FILIP1L: variants seen among roughly 807,000 people sequenced by gnomAD.
The protein encoded by FILIP1L is filamin A interacting protein 1 like.
FILIP1L carries 55 observed loss-of-function variants against 96.6 expected under a neutral mutation model. The observed-to-expected ratio is 0.57, with a 90% CI of 0.46 to 0.71. The LOEUF is 0.71. FILIP1L is among the 30% of genes least tolerant of loss of function. The pLI is 0.00. For synonymous variants in FILIP1L, 467 were observed against 473.9 expected, an observed-to-expected ratio of 0.99 and a Z score of 0.19; for missense variants, 1,304 against 1,321.2, an observed-to-expected ratio of 0.99 and a Z score of 0.20.
intron 4 of FILIP1L, among the ~76,000 whole-genome samples, chr3:99,856,058 T>C (rs531915869): frequency 6.6e-6 from 1 of 152,316 alleles, no homozygotes; most frequent in Non-Finnish European, 1.5e-5. Flanking sequence ...CACTGCTCCA[T>C]CCATTGTTTG....
At chr3:99,994,354 T>C (rs151111951) in intron 1 of FILIP1L, among the ~76,000 whole-genome samples, 1 of 152,298 alleles carries the variant, frequency 6.6e-6, no homozygotes, top group East Asian at 1.9e-4. Flanking sequence ...CAAAGAAATA[T>C]TGGACTTAAA....
At chr3:100,043,680 A>G (rs2065239971) in intron 1 of FILIP1L, among the ~76,000 whole-genome samples, 1 of 152,220 alleles carries the variant, frequency 6.6e-6, no homozygotes, top group South Asian at 2.1e-4. Flanking sequence ...AACTTTTTTT[A>G]CAAAATGACA....
rs1442427209 is a variant in FILIP1L at position 99,983,446 on chromosome 3, GTATATATATA to G, written c.-10-52426_-10-52417del. On this transcript the variant is annotated intron_variant, in intron 1 of 5. Transcript: ENST00000477258. ...TATGTATGTATGTATATATATGTAT[GTATATATATA>G]TATGTGTGTATATATATATATATAT... is the stretch of plus-strand genomic sequence containing the variant. Among the ~76,000 whole-genome samples the G allele has an allele frequency of 3.7e-3, 326 of 87,632 alleles. 15 individuals carry two copies. Among genetic ancestry groups the G allele is most frequent in the African/African-American group, 0.017 (306 of 18,090 alleles). 57.5% of individuals were successfully genotyped at this position (87,632 alleles called of 152,430 possible).
intron 4 of FILIP1L, among the ~76,000 whole-genome samples, chr3:99,870,848 C>T (rs1465119957): frequency 6.6e-6 from 1 of 152,094 alleles, no homozygotes; most frequent in Admixed American, 6.5e-5. Flanking sequence ...CATTTGTGCC[C>T]CGTAAGTGCA....
intron 1 of FILIP1L, among the ~76,000 whole-genome samples, chr3:100,046,336 A>G (rs1473982208): frequency 4.6e-5 from 7 of 152,128 alleles, no homozygotes; most frequent in Admixed American, 2.0e-4. Flanking sequence ...GAAATTCAGA[A>G]TTTGCAGAAT....
chr3:100,043,885 C>T (rs2065242483), intron 1 of FILIP1L, among the ~76,000 whole-genome samples: 1 of 152,128 alleles, frequency 6.6e-6, no homozygotes, highest in Non-Finnish European at 1.5e-5. Context: ...AGTCATTATG[C>T]AGTGCAATAG....
At chr3:99,887,672 A>G (rs780995359) in intron 4 of FILIP1L, among the ~76,000 whole-genome samples, 20 of 152,194 alleles carry the variant, frequency 1.3e-4, no homozygotes, top group Non-Finnish European at 2.2e-4. Flanking sequence ...TTTCTTATAT[A>G]AGTACAATAT....
intron 1 of FILIP1L, among the ~76,000 whole-genome samples, chr3:99,971,269 C>A (rs567454318): frequency 6.7e-6 from 1 of 149,302 alleles, no homozygotes; most frequent in South Asian, 2.1e-4. Flanking sequence ...GAACCCGGGG[C>A]GCGGAGCTTG....
intron 4 of FILIP1L, among the ~76,000 whole-genome samples, chr3:99,918,176 C>T (rs1292940644): frequency 1.3e-5 from 2 of 152,136 alleles, no homozygotes; most frequent in Admixed American, 6.5e-5. Flanking sequence ...CAGGGTTTCA[C>T]CATTTTGGCC....
chr3:100,082,768 T>A lies in FILIP1L; in HGVS notation c.-11+31285A>T, dbSNP rs181562099. ...GTTACATGTTTCTGTTTCTGTGAGG[T>A]CCATACATGTCACAAAATCTGTTTT... On this transcript the variant is annotated intron_variant, in intron 1 of 5. Transcript: ENST00000477258. Among the ~76,000 whole-genome samples, 13 of 152,298 alleles carry A rather than the reference T, an allele frequency of 8.5e-5. No homozygotes were observed. The East Asian group carries it at 2.5e-3, about 29-fold the overall frequency.
intron 4 of FILIP1L, among the ~76,000 whole-genome samples, chr3:99,851,856 T>C (rs1329915100): frequency 1.3e-5 from 2 of 152,346 alleles, no homozygotes; most frequent in Non-Finnish European, 2.9e-5. Context: ...TCATAGTGGA[T>C]AGCAATTAAA....
chr3:99,959,407 C>T (rs1478742585), intron 1 of FILIP1L, among the ~76,000 whole-genome samples: 1 of 152,238 alleles, frequency 6.6e-6, no homozygotes, highest in Non-Finnish European at 1.5e-5. Flanking sequence ...GACTCAGACT[C>T]CCAAAGTGCT....
chr3:99,972,790 T>G (rs188304816), intron 1 of FILIP1L, among the ~76,000 whole-genome samples: 2 of 152,346 alleles, frequency 1.3e-5, no homozygotes, highest in Non-Finnish European at 1.5e-5. Context: ...GATGTTAACT[T>G]CCATAAGTGT....
chr3:99,958,656 GAGA>G lies in FILIP1L; in HGVS notation c.-10-27629_-10-27627del, dbSNP rs147039926. ...GGTTTGAATCTTGGTACTCTTGCAG[GAGA>G]AGAAGAGAGCTGGGGGCAGAGCAGG... is the stretch of plus-strand genomic sequence containing the variant. On this transcript the variant is annotated intron_variant, in intron 1 of 5. Transcript: ENST00000477258. Among the ~76,000 whole-genome samples, 687 of 152,260 alleles carry G rather than the reference GAGA, an allele frequency of 4.5e-3. 7 individuals are homozygous for G. The highest frequency in any genetic ancestry group is 0.016 in the African/African-American group (672 of 41,536).
Position 99,929,950 on chromosome 3 carries a change from G to A in FILIP1L, c.332C>T (p.Thr111Ile), listed in dbSNP as rs1250253927. Residue 111 changes from threonine to isoleucine, a missense_variant, in exon 3 of 6, where the codon ACT becomes ATT. Physicochemically the swap from Thr to Ile is moderately conservative, Grantham distance 89. Transcript: ENST00000477258. ...GAGAGCCTCTAACACCTTTTTTGGAGTGACAAACCCATACTGAGCTTCCAG... is the reference window on the plus strand; with the variant it reads ...GAGAGCCTCTAACACCTTTTTTGGAATGACAAACCCATACTGAGCTTCCAG... Reference protein sequence around the residue: ...ALLEAQYGFVTPKKVLEALQR... With the variant: ...ALLEAQYGFVIPKKVLEALQR... 6.2e-7 allele frequency: 1 copy of A among 1,614,030 alleles called. No individual in the cohort carries two copies. The highest frequency in any genetic ancestry group is 1.1e-5 in the South Asian group (1 of 91,070).
At position 99,848,340 on chromosome 3, in the gene FILIP1L, A is replaced by G; in HGVS notation, c.3336T>C (p.Thr1112=). The change falls in exon 5 of 6, where the codon ACT becomes ACC. Residue 1112 remains threonine (T), a synonymous_variant. Transcript: ENST00000477258. ...GAAGAGGTGTGGCTGTTGGTGTGAT[A>G]GTAATACTGCTGGTGACTTTATTGG... ...KTTNKVTSSI[T]ITPTATPLPR... is the part of the protein sequence containing the mutation. 1.2e-6 allele frequency: 2 copies of G among 1,614,178 alleles called. No homozygotes were observed. The highest frequency in any genetic ancestry group is 1.7e-6 in the Non-Finnish European group (2 of 1,180,010).
intron 1 of FILIP1L, among the ~76,000 whole-genome samples, chr3:99,960,745 A>C (rs1237470281): frequency 6.6e-6 from 1 of 152,156 alleles, no homozygotes; most frequent in Non-Finnish European, 1.5e-5. Flanking sequence ...CTTTGTATGA[A>C]GTAGTATTTT....
intron 1 of FILIP1L, among the ~76,000 whole-genome samples, chr3:99,972,268 A>G (rs993452786): frequency 3.9e-5 from 6 of 152,310 alleles, no homozygotes; most frequent in Non-Finnish European, 8.8e-5. Context: ...ACTTGACCCA[A>G]TAGAGTACCC....
At chr3:99,903,821 G>C (rs1172269235) in intron 4 of FILIP1L, among the ~76,000 whole-genome samples, 1 of 152,050 alleles carries the variant, frequency 6.6e-6, no homozygotes, top group Non-Finnish European at 1.5e-5. Flanking sequence ...ACTACACAAT[G>C]CTCTTTTCTT....
Sources: gnomAD v4.1 joint callset for allele counts (sites outside exome capture counted in the v4.1 genomes callset) on GRCh38, gnomAD v4.1.1 for gene constraint, MANE v1.5 for transcripts, NCBI Gene and HGNC (gene_info 2026-07-23, HGNC 2026-07-21) for gene names.